NALF1: variants seen among roughly 807,000 people sequenced by gnomAD.
NALF1 encodes family with sequence similarity 155 member A.
NALF1 carries 3 observed loss-of-function variants against 48.4 expected under a neutral mutation model. The observed-to-expected ratio is 0.06, with a 90% CI of 0.03 to 0.16. The LOEUF is 0.16. Among genes scored for constraint, NALF1 ranks in the 10% least tolerant of loss-of-function variants. The pLI is 1.00. For missense variants in NALF1, 526 were observed against 571.5 expected (o/e 0.92, Z 0.81); for synonymous variants, 262 against 245.7 (o/e 1.07, Z -0.62).
chr13:107,852,098 G>T (rs1880334775), intron 1 of NALF1, among the ~76,000 whole-genome samples: 1 of 151,822 alleles, frequency 6.6e-6, no homozygotes, highest in South Asian at 2.1e-4. Context: ...CACCTCACCT[G>T]ACCCATGCCC....
At chr13:107,433,968 G>T (rs993626959) in intron 1 of NALF1, among the ~76,000 whole-genome samples, 1 of 152,120 alleles carries the variant, frequency 6.6e-6, no homozygotes, top group African/African-American at 2.4e-5. Context: ...TCCACTTATT[G>T]CTATGTTACT....
At chr13:107,302,216 A>C (rs1383962705) in intron 1 of NALF1, among the ~76,000 whole-genome samples, 1 of 152,194 alleles carries the variant, frequency 6.6e-6, no homozygotes, top group Non-Finnish European at 1.5e-5. Context: ...AGCCCACACC[A>C]GGAGAAGGAT....
chr13:107,630,636 A>G (rs746980904), intron 1 of NALF1, among the ~76,000 whole-genome samples: 2 of 152,102 alleles, frequency 1.3e-5, no homozygotes, highest in African/African-American at 4.8e-5. Flanking sequence ...TTTTCTTATA[A>G]TCGTCTAATA....
chr13:107,772,805 A>C (rs1200464360), intron 1 of NALF1, among the ~76,000 whole-genome samples: 1 of 152,322 alleles, frequency 6.6e-6, no homozygotes, highest in East Asian at 1.9e-4. Flanking sequence ...AGAAACACTT[A>C]TTAAAAATCT....
intron 1 of NALF1, among the ~76,000 whole-genome samples, chr13:107,780,213 A>T (rs537362819): frequency 6.6e-6 from 1 of 152,110 alleles, no homozygotes; most frequent in African/African-American, 2.4e-5. Flanking sequence ...TTACACTTAT[A>T]TGTGTGATCC....
intron 1 of NALF1, among the ~76,000 whole-genome samples, chr13:107,289,292 C>T (rs1881567635): frequency 6.6e-6 from 1 of 152,134 alleles, no homozygotes; most frequent in Non-Finnish European, 1.5e-5. Flanking sequence ...TTACACATGC[C>T]TTGTCTATTT....
intron 1 of NALF1, among the ~76,000 whole-genome samples, chr13:107,806,966 G>A (rs561007939): frequency 7.9e-5 from 12 of 152,092 alleles, no homozygotes; most frequent in Non-Finnish European, 2.9e-5. Context: ...TTTTTGGCTG[G>A]TCCATCTTAT....
chr13:107,790,309 C>G (rs1203402692), intron 1 of NALF1, among the ~76,000 whole-genome samples: 1 of 151,916 alleles, frequency 6.6e-6, no homozygotes, highest in Non-Finnish European at 1.5e-5. Context: ...TAATACAGTA[C>G]AAAGAATATG....
Position 107,866,763 on chromosome 13 carries a change from T to TCTCTCTCC in NALF1, c.-175_-168dup. On this transcript the variant is annotated 5_prime_UTR_variant, in exon 1 of 3. Coordinates refer to ENST00000375915, the MANE Select transcript of NALF1 (RefSeq NM_001080396.3). The surrounding 1 kb of genome is among the most constrained non-coding windows in gnomAD (Gnocchi z 4.4). ...TTCCCCTCTCCCTCTCTCCTCTCTCTCTCTCTCCCTCTCCCTCTCTTTTAT... is the reference window on the plus strand; with the variant it reads ...TTCCCCTCTCCCTCTCTCCTCTCTCTCTCTCTCCCTCTCTCCCTCTCCCTCTCTTTTAT... The TCTCTCTCC allele has an allele frequency of 1.7e-6, 1 of 603,906 alleles. No homozygotes were observed. Among genetic ancestry groups the TCTCTCTCC allele is most frequent in the Middle Eastern group, 4.4e-4 (1 of 2,272 alleles). 37.4% of individuals were successfully genotyped at this position (603,906 alleles called of 1,614,324 possible).
At chr13:107,225,822 C>T (rs1453312532) in intron 1 of NALF1, among the ~76,000 whole-genome samples, 1 of 152,072 alleles carries the variant, frequency 6.6e-6, no homozygotes, top group African/African-American at 2.4e-5. Context: ...TATGCACACA[C>T]ACGCACGCAC....
intron 1 of NALF1, among the ~76,000 whole-genome samples, chr13:107,536,516 A>C (rs1876822108): frequency 6.6e-6 from 1 of 152,216 alleles, no homozygotes; most frequent in African/African-American, 2.4e-5. Context: ...ATGCAAATCA[A>C]AACTACAATG....
Position 107,824,660 on chromosome 13 carries a change from T to C in NALF1, c.915+41022A>G, listed in dbSNP as rs76389093. Among the ~76,000 whole-genome samples the C allele has an allele frequency of 2.8e-3, 425 of 152,334 alleles. 2 individuals carry two copies. The highest frequency in any genetic ancestry group is 9.9e-3 in the African/African-American group (410 of 41,572). ...AATCATTGGTCTCTCAGCTCCATTA[T>C]GCATGTGTAGAAGATTCCCCCATTC... is the stretch of plus-strand genomic sequence containing the variant. On this transcript the variant is annotated intron_variant, in intron 1 of 2. Transcript: ENST00000375915.
intron 1 of NALF1, among the ~76,000 whole-genome samples, chr13:107,423,878 G>A (rs186458717): frequency 5.3e-5 from 8 of 151,988 alleles, no homozygotes; most frequent in Middle Eastern, 3.4e-3. Flanking sequence ...AGAATAATTC[G>A]CCAGGCTGAT....
chr13:107,450,103 A>G (rs1594069531), intron 1 of NALF1, among the ~76,000 whole-genome samples: 1 of 152,160 alleles, frequency 6.6e-6, no homozygotes, highest in Non-Finnish European at 1.5e-5. Context: ...TCCCCTCTGG[A>G]GGCCAAGCTA....
intron 1 of NALF1, among the ~76,000 whole-genome samples, chr13:107,238,342 G>A (rs1258040270): frequency 6.6e-6 from 1 of 152,154 alleles, no homozygotes; most frequent in Non-Finnish European, 1.5e-5. Flanking sequence ...ATCAGTAAAT[G>A]CTGTTTGCAA....
At chr13:107,423,936 T>C (rs1194222049) in intron 1 of NALF1, among the ~76,000 whole-genome samples, 2 of 152,114 alleles carry the variant, frequency 1.3e-5, no homozygotes, top group Non-Finnish European at 2.9e-5. Context: ...TGCTGCAAAG[T>C]AAGATTGTAT....
At chr13:107,197,510 T>C (rs1879418378) in intron 2 of NALF1, among the ~76,000 whole-genome samples, 1 of 152,202 alleles carries the variant, frequency 6.6e-6, no homozygotes, top group Non-Finnish European at 1.5e-5. Context: ...ATTGTTGAGC[T>C]ACCGTGTTAG....
At chr13:107,658,738 T>C (rs1445908046) in intron 1 of NALF1, among the ~76,000 whole-genome samples, 1 of 152,136 alleles carries the variant, frequency 6.6e-6, no homozygotes, top group African/African-American at 2.4e-5. Flanking sequence ...TGAAGCCTTC[T>C]TACCCTTGAC....
chr13:107,735,214 A>C (rs759839993), intron 1 of NALF1, among the ~76,000 whole-genome samples: 8 of 152,134 alleles, frequency 5.3e-5, no homozygotes, highest in Non-Finnish European at 7.4e-5. Flanking sequence ...GTGATAATAA[A>C]TTTCTGTTTT....
Sources: allele counts gnomAD v4.1 joint callset (sites outside exome capture counted in the v4.1 genomes callset), GRCh38; gene constraint gnomAD v4.1.1; non-coding constraint Gnocchi (gnomAD v3.1); transcripts MANE v1.5; gene names NCBI Gene and HGNC (gene_info 2026-07-23, HGNC 2026-07-21).